The following CEP63 variants were observed in gnomAD, a reference collection of about 807,000 sequenced individuals.
CEP63 encodes the protein centrosomal protein 63.
CEP63 carries 84 observed loss-of-function variants against 89.1 expected under a neutral mutation model. The ratio of observed to expected loss-of-function variants is 0.94; its 90% CI spans 0.79 to 1.13. The LOEUF (loss-of-function observed/expected upper bound fraction) is 1.13. Among genes scored for constraint, CEP63 ranks in the 50% most tolerant of loss-of-function variants. The probability of loss-of-function intolerance (pLI) is 0.00; values close to 1 mark genes in which losing one functional copy is unlikely to be tolerated. For missense variants in CEP63, 838 were observed against 813.3 expected, an observed-to-expected ratio of 1.03 and a Z score of -0.37; for synonymous variants, 267 against 272.5, an observed-to-expected ratio of 0.98 and a Z score of 0.20.
chr3:134,671,596 T>C, the CEP63 span, among the ~76,000 whole-genome samples: 18 of 152,246 alleles, frequency 1.2e-4, no homozygotes, highest in Non-Finnish European at 2.2e-4. Flanking sequence ...ACTGTACTTT[T>C]CTGTATGCTT....
chr3:134,494,137 A>G lies in CEP63; in HGVS notation c.-25-1159A>G, dbSNP rs1168907896. 2.3e-5 allele frequency among the ~76,000 whole-genome samples: 3 copies of G among 133,068 alleles called. No homozygotes were observed. In the East Asian group the frequency reaches 6.1e-4, roughly 27 times the overall value. 87.3% of individuals were successfully genotyped at this position (133,068 alleles called of 152,430 possible). A position where few individuals can be genotyped will look rare whatever the true frequency, so the allele number is the denominator to read the frequency against. On this transcript the variant is annotated intron_variant, in intron 1 of 14. Coordinates refer to ENST00000675561, the MANE Select transcript of CEP63 (RefSeq NM_001353108.3). Reference sequence around the variant, plus strand: ...TTATTTATTTATTTATTTATTTGAGATGGAATCTCTGTCTGCCACCCAGGC... The same window carrying G: ...TTATTTATTTATTTATTTATTTGAGGTGGAATCTCTGTCTGCCACCCAGGC...
rs1338098600 is a variant in CEP63, at chr3:134,561,953, G to T, written c.*418G>T. 9.8e-7 allele frequency: 1 copy of T among 1,020,552 alleles called. No homozygotes were observed. Among genetic ancestry groups the T allele is most frequent in the Non-Finnish European group, 1.2e-6 (1 of 851,190 alleles). 63.2% of individuals were successfully genotyped at this position (1,020,552 alleles called of 1,614,324 possible). On this transcript the variant is annotated 3_prime_UTR_variant, in exon 15 of 15. Transcript: ENST00000675561. Reference sequence around the variant, plus strand: ...TTTAGGGGTCAAACATACCTGGATCGATAGACTGGTTTTGCCACTTACCAG... The same window carrying T: ...TTTAGGGGTCAAACATACCTGGATCTATAGACTGGTTTTGCCACTTACCAG...
chr3:134,697,689 C>A, the CEP63 span, among the ~76,000 whole-genome samples: 3 of 152,172 alleles, frequency 2.0e-5, no homozygotes, highest in South Asian at 2.1e-4. Context: ...AGCTTATGGG[C>A]GGCAGATTTG....
the CEP63 span, among the ~76,000 whole-genome samples, chr3:134,630,857 C>A: frequency 1.3e-5 from 2 of 151,998 alleles, no homozygotes; most frequent in African/African-American, 2.4e-5. Context: ...CAAGTAATAG[C>A]AAACAGTTTT....
At chr3:134,651,244 G>A in the CEP63 span, 1 of 1,236,214 alleles carries the variant, frequency 8.1e-7, no homozygotes, top group Non-Finnish European at 1.0e-6. Context: ...ATAGTCAGCA[G>A]GGGCGGCCGG....
intron 3 of CEP63, among the ~76,000 whole-genome samples, chr3:134,523,467 T>G (rs185446968): frequency 3.3e-5 from 5 of 152,266 alleles, no homozygotes; most frequent in Admixed American, 3.3e-4. Context: ...TTTGTCTGTT[T>G]CCATGTCCAG....
chr3:134,493,957 T>C (rs1938680830), intron 1 of CEP63, among the ~76,000 whole-genome samples: 1 of 152,142 alleles, frequency 6.6e-6, no homozygotes, highest in African/African-American at 2.4e-5. Flanking sequence ...GAAAAGTGGT[T>C]TGACATTGAA....
chr3:134,577,677 A>C (rs754348604), downstream of CEP63, among the ~76,000 whole-genome samples: 1 of 151,894 alleles, frequency 6.6e-6, no homozygotes, highest in Non-Finnish European at 1.5e-5. Context: ...ACAGGTATAC[A>C]TGTGCCATGG....
At chr3:134,634,673 G>A in the CEP63 span, among the ~76,000 whole-genome samples, 2 of 152,200 alleles carry the variant, frequency 1.3e-5, no homozygotes, top group Non-Finnish European at 2.9e-5. Context: ...GGTTTGAACT[G>A]CACGAGTCCA....
At chr3:134,500,073 G>T (rs1374520937) in intron 2 of CEP63, among the ~76,000 whole-genome samples, 1 of 151,916 alleles carries the variant, frequency 6.6e-6, no homozygotes, top group South Asian at 2.1e-4. Flanking sequence ...TGATCCCCCC[G>T]CCTCAGCCTC....
At chr3:134,533,001 C>A in intron 5 of CEP63, 101 bp downstream of exon 5, 2 of 1,213,934 alleles carry the variant, frequency 1.6e-6, no homozygotes, top group African/African-American at 1.5e-5. Flanking sequence ...TTTCTACTAT[C>A]TTAAGGACTG....
At chr3:134,496,596 G>A (rs921109750) in intron 2 of CEP63, among the ~76,000 whole-genome samples, 2 of 152,172 alleles carry the variant, frequency 1.3e-5, no homozygotes, top group Non-Finnish European at 2.9e-5. Context: ...CAAGACAGCT[G>A]TTTTGAGCTG....
chr3:134,594,841 A>G, the CEP63 span, among the ~76,000 whole-genome samples: 1 of 152,224 alleles, frequency 6.6e-6, no homozygotes, highest in Non-Finnish European at 1.5e-5. Flanking sequence ...GAGATAAAAG[A>G]GCAAACACAC....
At chr3:134,577,393 A>G (rs932922279), downstream of CEP63, among the ~76,000 whole-genome samples, 3 of 150,384 alleles carry the variant, frequency 2.0e-5, no homozygotes, top group Admixed American at 6.6e-5. Context: ...ATGGAAAAAA[A>G]GCTTACCAAA....
At chr3:134,705,904 C>T in the CEP63 span, among the ~76,000 whole-genome samples, 1 of 152,174 alleles carries the variant, frequency 6.6e-6, no homozygotes, top group Non-Finnish European at 1.5e-5. Context: ...ACATAACTTT[C>T]TGTGTGTTAA....
the CEP63 span, among the ~76,000 whole-genome samples, chr3:134,655,108 G>A: frequency 6.6e-6 from 1 of 152,146 alleles, no homozygotes; most frequent in Non-Finnish European, 1.5e-5. Flanking sequence ...GTGTTGCTGG[G>A]ATTAAATGAG....
At chr3:134,771,307 A>G in the CEP63 span, among the ~76,000 whole-genome samples, 3 of 152,226 alleles carry the variant, frequency 2.0e-5, no homozygotes, top group African/African-American at 7.2e-5. Flanking sequence ...TATTCTTTGC[A>G]GGGACATGGA....
chr3:134,591,980 A>G (rs758451298), downstream of CEP63, among the ~76,000 whole-genome samples: 15 of 152,316 alleles, frequency 9.8e-5, no homozygotes, highest in Middle Eastern at 3.4e-3. Flanking sequence ...CAGATTTAGC[A>G]GCTTCAAATA....
the CEP63 span, chr3:134,647,550 G>T: frequency 8.8e-7 from 1 of 1,133,458 alleles, no homozygotes; most frequent in Non-Finnish European, 1.3e-6. Context: ...AAAGAGTGAT[G>T]TACCAGTTGC....
Sources: gnomAD v4.1 joint callset for allele counts (sites outside exome capture counted in the v4.1 genomes callset) on GRCh38, gnomAD v4.1.1 for gene constraint, MANE v1.5 for transcripts, NCBI Gene and HGNC (gene_info 2026-07-23, HGNC 2026-07-21) for gene names.